The following GPC6 variants were observed in gnomAD, a reference collection of about 807,000 sequenced individuals.
GPC6 encodes glypican-6.
GPC6 carries 14 observed loss-of-function variants against 55.2 expected under a neutral mutation model. The ratio of observed to expected loss-of-function variants is 0.25; its 90% confidence interval spans 0.17 to 0.40. GPC6 has a LOEUF of 0.40. Among genes scored for constraint, GPC6 ranks in the 10% least tolerant of loss-of-function variants. The pLI, the probability that GPC6 is intolerant of heterozygous loss-of-function variation, is 1.00. For synonymous variants in GPC6, 278 were observed against 259.6 expected, an observed-to-expected ratio of 1.07 and a Z score of -0.68; for missense variants, 641 against 708.5, an observed-to-expected ratio of 0.90 and a Z score of 1.08.
At chr13:93,440,172 T>A (rs1191746835) in intron 1 of GPC6, among the ~76,000 whole-genome samples, 5 of 152,134 alleles carry the variant, frequency 3.3e-5, no homozygotes, top group Non-Finnish European at 5.9e-5. Context: ...ATATAAAAAA[T>A]TTTCTCATAA....
At chr13:93,894,481 T>C (rs1400538255) in intron 3 of GPC6, among the ~76,000 whole-genome samples, 1 of 152,086 alleles carries the variant, frequency 6.6e-6, no homozygotes, top group Non-Finnish European at 1.5e-5. Context: ...TTTCCACATA[T>C]GCATTGCAAA....
At chr13:93,308,007 G>A (rs1177336517) in intron 1 of GPC6, among the ~76,000 whole-genome samples, 5 of 152,102 alleles carry the variant, frequency 3.3e-5, no homozygotes, top group South Asian at 2.1e-4. Context: ...GGCTCAGGCC[G>A]GGCACGGTGG....
intron 3 of GPC6, among the ~76,000 whole-genome samples, chr13:93,910,053 T>G (rs1461628781): frequency 6.8e-6 from 1 of 147,814 alleles, no homozygotes; most frequent in Non-Finnish European, 1.5e-5. Flanking sequence ...AATTTACAGC[T>G]CGTGTGTTTG....
intron 4 of GPC6, among the ~76,000 whole-genome samples, chr13:94,278,192 G>C (rs1438055605): frequency 6.6e-6 from 1 of 152,044 alleles, no homozygotes; most frequent in Non-Finnish European, 1.5e-5. Context: ...TATTCTCTTT[G>C]TAGCAATTGT....
At chr13:93,239,608 AT>A (rs911428106) in intron 1 of GPC6, among the ~76,000 whole-genome samples, 4 of 144,220 alleles carry the variant, frequency 2.8e-5, no homozygotes, top group East Asian at 2.1e-4. Flanking sequence ...TGATCTTTGT[AT>A]TTTTTTTTCA....
At chr13:93,998,389 CAAT>C (rs1167921830) in intron 3 of GPC6, among the ~76,000 whole-genome samples, 1 of 152,092 alleles carries the variant, frequency 6.6e-6, no homozygotes, top group African/African-American at 2.4e-5. Flanking sequence ...TCTTGCAAAC[CAAT>C]ATGCACAAAA....
chr13:93,342,156 T>A (rs1880280081), intron 1 of GPC6, among the ~76,000 whole-genome samples: 1 of 151,864 alleles, frequency 6.6e-6, no homozygotes, highest in South Asian at 2.1e-4. Context: ...TGTTATAAGG[T>A]GAGAGGTTAG....
At chr13:93,784,079 C>A (rs1210117222) in intron 2 of GPC6, among the ~76,000 whole-genome samples, 5 of 152,080 alleles carry the variant, frequency 3.3e-5, no homozygotes, top group Non-Finnish European at 1.5e-5. Flanking sequence ...GTCCCTATGC[C>A]TAAGGTACTG....
chr13:93,818,078 T>C (rs143892624), intron 2 of GPC6, among the ~76,000 whole-genome samples: 2,890 of 147,708 alleles, frequency 0.02, 90 homozygotes, highest in African/African-American at 0.067. Context: ...ATAAATCATA[T>C]ATATTTATTA....
chr13:93,544,272 A>C (rs9524121), intron 1 of GPC6, among the ~76,000 whole-genome samples: 27,215 of 152,140 alleles, frequency 0.18, 2,830 homozygotes, highest in East Asian at 0.29. Flanking sequence ...TCATGAGACA[A>C]CCTATACTTC....
intron 2 of GPC6, among the ~76,000 whole-genome samples, chr13:93,547,396 T>C (rs548408854): frequency 6.6e-6 from 1 of 152,180 alleles, no homozygotes; most frequent in African/African-American, 2.4e-5. Flanking sequence ...ACGAGCCTTA[T>C]ACTTACTTCT....
At chr13:93,729,954 A>G (rs1038985419) in intron 2 of GPC6, among the ~76,000 whole-genome samples, 1 of 152,188 alleles carries the variant, frequency 6.6e-6, no homozygotes, top group Non-Finnish European at 1.5e-5. Flanking sequence ...GCTTATTTAC[A>G]GAAAGTTAAA....
chr13:93,639,138 G>C (rs1361701633), intron 2 of GPC6, among the ~76,000 whole-genome samples: 1 of 152,010 alleles, frequency 6.6e-6, no homozygotes, highest in Non-Finnish European at 1.5e-5. Context: ...GGAAAATAAA[G>C]CAAGGAGGGG....
intron 6 of GPC6, among the ~76,000 whole-genome samples, chr13:94,307,933 T>C (rs1028597547): frequency 6.6e-6 from 1 of 152,138 alleles, no homozygotes; most frequent in Non-Finnish European, 1.5e-5. Context: ...CAGTGTGAGA[T>C]GAATAAGTTC....
intron 1 of GPC6, among the ~76,000 whole-genome samples, chr13:93,398,573 G>C (rs1163781119): frequency 6.6e-6 from 1 of 152,062 alleles, no homozygotes; most frequent in African/African-American, 2.4e-5. Flanking sequence ...GTGAGTGCAG[G>C]GTTTGTCTCA....
At chr13:93,860,725 A>C (rs779417928) in intron 3 of GPC6, among the ~76,000 whole-genome samples, 1 of 151,642 alleles carries the variant, frequency 6.6e-6, no homozygotes, top group Non-Finnish European at 1.5e-5. Flanking sequence ...GTGTTACATG[A>C]AAAAAGATAA....
At chr13:94,126,698 A>T (rs1886830838) in intron 4 of GPC6, among the ~76,000 whole-genome samples, 1 of 151,664 alleles carries the variant, frequency 6.6e-6, no homozygotes, top group African/African-American at 2.4e-5. Context: ...AAAATCAAAT[A>T]TTATTACCTG....
chr13:94,041,221 C>A (rs147444096), intron 4 of GPC6, among the ~76,000 whole-genome samples: 83 of 151,940 alleles, frequency 5.5e-4, no homozygotes, highest in African/African-American at 2.0e-3. Context: ...TTCTGCAAAT[C>A]AGTTACAAGA....
intron 1 of GPC6, among the ~76,000 whole-genome samples, chr13:93,418,227 C>T (rs1450041381): frequency 2.0e-5 from 3 of 151,692 alleles, no homozygotes; most frequent in Non-Finnish European, 4.4e-5. Context: ...ATAATAATCA[C>T]ATCATGATAA....
Sources: gnomAD v4.1 joint callset for allele counts (sites outside exome capture counted in the v4.1 genomes callset) on GRCh38, gnomAD v4.1.1 for gene constraint, MANE v1.5 for transcripts, NCBI Gene and HGNC (gene_info 2026-07-23, HGNC 2026-07-21) for gene names.